The following AFAP1L2 variants were observed in gnomAD, a reference collection of about 807,000 sequenced individuals.
AFAP1L2 encodes the protein actin filament-associated protein 1-like 2.
In AFAP1L2, 46 loss-of-function variants were observed where a neutral mutation model predicts 99.3. That is an observed-to-expected ratio of 0.46 (90% CI 0.37 to 0.59). The LOEUF (loss-of-function observed/expected upper bound fraction) is 0.59, where lower values mean the gene tolerates loss of function less well. AFAP1L2 is among the 20% of genes least tolerant of loss of function. The pLI is 0.00. For missense variants in AFAP1L2, 959 were observed against 1,034.9 expected, an observed-to-expected ratio of 0.93 and a Z score of 1.01; for synonymous variants, 397 against 419.1, an observed-to-expected ratio of 0.95 and a Z score of 0.64.
intron 1 of AFAP1L2, among the ~76,000 whole-genome samples, chr10:114,350,345 C>T (rs2050274541): frequency 6.6e-6 from 1 of 152,176 alleles, no homozygotes; most frequent in South Asian, 2.1e-4. Context: ...CTCTGTTGTC[C>T]CATGGATGCA....
At chr10:114,371,038 G>A (rs2054020797) in intron 1 of AFAP1L2, among the ~76,000 whole-genome samples, 1 of 152,196 alleles carries the variant, frequency 6.6e-6, no homozygotes, top group African/African-American at 2.4e-5. Flanking sequence ...CTTGGGGACT[G>A]CAGCAATACT....
At chr10:114,384,324 T>C (rs12416409) in intron 1 of AFAP1L2, among the ~76,000 whole-genome samples, 16,849 of 145,944 alleles carry the variant, frequency 0.12, 1,433 homozygotes, top group African/African-American at 0.23. Flanking sequence ...TTGTCTGTCG[T>C]CCCCCCCCCG....
intron 1 of AFAP1L2, among the ~76,000 whole-genome samples, chr10:114,383,430 G>A (rs970202199): frequency 2.6e-5 from 4 of 152,218 alleles, no homozygotes; most frequent in Non-Finnish European, 5.9e-5. Context: ...TTTTATTATC[G>A]CAGAGAGGAG....
At chr10:114,298,481 C>T (rs1375962144) in intron 16 of AFAP1L2, among the ~76,000 whole-genome samples, 1 of 152,172 alleles carries the variant, frequency 6.6e-6, no homozygotes, top group Non-Finnish European at 1.5e-5. Context: ...ATTCATACAC[C>T]TCTACAATTT....
At position 114,331,852 on chromosome 10, in the gene AFAP1L2, T is replaced by A; in HGVS notation, c.266A>T (p.His89Leu). Reference protein sequence around the residue: ...GLLPNGEPSQHSSAPQKSLPD... With the variant: ...GLLPNGEPSQLSSAPQKSLPD... The stretch of plus-strand genomic sequence containing the variant: ...AAGGCTCTTCTGAGGGGCCGAGGAG[T>A]GCTGGCTGGGCTCCCCATTGGGTAG... The change falls in exon 4 of 19, where the codon CAC becomes CTC. Residue 89 changes from histidine to leucine, a missense_variant. By Grantham distance (99) the His-to-Leu change is moderately conservative (BLOSUM62 -3). This residue lies in a region of AFAP1L2 where 383 missense variants were observed against 472.8 expected (regional missense o/e 0.81). Transcript: ENST00000304129. 1 of 1,384,956 alleles carries A rather than the reference T, an allele frequency of 7.2e-7. No homozygotes were observed. The highest frequency in any genetic ancestry group is 9.4e-7 in the Non-Finnish European group (1 of 1,061,068). 85.8% of individuals were successfully genotyped at this position (1,384,956 alleles called of 1,614,324 possible). A position where few individuals can be genotyped will look rare whatever the true frequency, so the allele number is the denominator to read the frequency against.
intron 10 of AFAP1L2, among the ~76,000 whole-genome samples, chr10:114,305,699 GCGGGGCTGGAGGGGA>G (rs2134238450): frequency 3.3e-5 from 3 of 92,136 alleles, no homozygotes; most frequent in Admixed American, 1.1e-4. Flanking sequence ...GCAGGAGGGA[GCGGGGCTGGAGGGGA>G]CGGGGCTACA....
Position 114,392,276 on chromosome 10 carries a change from G to A in AFAP1L2, c.16+12164C>T, listed in dbSNP as rs116038879. Among the ~76,000 whole-genome samples, 515 of 152,298 alleles carry A rather than the reference G, an allele frequency of 3.4e-3. 4 individuals are homozygous for A. Among genetic ancestry groups the A allele is most frequent in the African/African-American group, 0.012 (486 of 41,560 alleles). On this transcript the variant is annotated intron_variant, in intron 1 of 18. Transcript: ENST00000304129. ...GTGGTAGTGTGCACCTGTAGTCCCA[G>A]CTGCTCAGGAGACTGAGTCAGAGGA...
intron 2 of AFAP1L2, among the ~76,000 whole-genome samples, chr10:114,336,737 G>A (rs2135767191): frequency 6.6e-6 from 1 of 152,206 alleles, no homozygotes; most frequent in South Asian, 2.1e-4. Flanking sequence ...CTGGTGTGGT[G>A]GGGACACAGC....
intron 2 of AFAP1L2, among the ~76,000 whole-genome samples, chr10:114,335,408 C>T (rs7900396): frequency 0.017 from 2,576 of 151,762 alleles, 69 homozygotes; most frequent in African/African-American, 0.057. Flanking sequence ...GTCAGGAGAT[C>T]GAGACCATCC....
intron 4 of AFAP1L2, among the ~76,000 whole-genome samples, chr10:114,330,296 G>A (rs10885550): frequency 0.58 from 88,451 of 151,634 alleles, 30,505 homozygotes; most frequent in East Asian, 0.91. Context: ...ATCAGGTGAC[G>A]GTCAGTTGGC....
chr10:114,293,821 A>C (rs2039823155), downstream of AFAP1L2, among the ~76,000 whole-genome samples: 1 of 152,154 alleles, frequency 6.6e-6, no homozygotes, highest in Non-Finnish European at 1.5e-5. Context: ...CTTCCTTTCA[A>C]AGTTGTATAC....
At chr10:114,304,322 T>A (rs1045170166) in intron 11 of AFAP1L2, among the ~76,000 whole-genome samples, 3 of 152,308 alleles carry the variant, frequency 2.0e-5, no homozygotes, top group African/African-American at 7.2e-5. Context: ...AGGAATGTAA[T>A]TGTATCACAA....
intron 1 of AFAP1L2, among the ~76,000 whole-genome samples, chr10:114,373,904 A>T (rs976513873): frequency 6.6e-6 from 1 of 152,006 alleles, no homozygotes; most frequent in Non-Finnish European, 1.5e-5. Flanking sequence ...CTGCCCATAC[A>T]ATCAGCACAG....
intron 1 of AFAP1L2, among the ~76,000 whole-genome samples, chr10:114,354,425 G>T (rs1290731120): frequency 6.6e-6 from 1 of 152,162 alleles, no homozygotes; most frequent in African/African-American, 2.4e-5. Flanking sequence ...CCTTGAAGAA[G>T]TTAGAGAACA....
chr10:114,311,588 G>A (rs952238292), intron 7 of AFAP1L2, among the ~76,000 whole-genome samples: 14 of 152,362 alleles, frequency 9.2e-5, no homozygotes, highest in African/African-American at 3.4e-4. Flanking sequence ...CCACGAGCCA[G>A]CTGTGAGCGC....
Position 114,295,904 on chromosome 10 carries a change from A to C in AFAP1L2, c.*138T>G. The C allele has an allele frequency of 1.3e-6, 2 of 1,554,932 alleles. No homozygotes were observed. The highest frequency in any genetic ancestry group is 1.7e-4 in the Middle Eastern group (1 of 5,782). The stretch of plus-strand genomic sequence containing the variant: ...AGGGACAGAGCCTCCTCTTAGCTGA[A>C]GCTCTCCATTCACAGTACCTCAGTC... On this transcript the variant is annotated 3_prime_UTR_variant, in exon 19 of 19. Transcript: ENST00000304129.
chr10:114,382,066 A>C (rs996622277), intron 1 of AFAP1L2, among the ~76,000 whole-genome samples: 2 of 152,252 alleles, frequency 1.3e-5, no homozygotes, highest in Non-Finnish European at 2.9e-5. Flanking sequence ...TTTGCTGATG[A>C]GAGTGAAAAG....
chr10:114,399,249 T>C (rs2058023767), intron 1 of AFAP1L2, among the ~76,000 whole-genome samples: 1 of 152,144 alleles, frequency 6.6e-6, no homozygotes, highest in South Asian at 2.1e-4. Flanking sequence ...GTGACACTAA[T>C]TCCACAAATA....
chr10:114,396,581 G>A (rs2057740904), intron 1 of AFAP1L2, among the ~76,000 whole-genome samples: 1 of 152,164 alleles, frequency 6.6e-6, no homozygotes, highest in Admixed American at 6.5e-5. Context: ...AAGCAGGACT[G>A]CCAAAAACAA....
Sources: allele counts gnomAD v4.1 joint callset (sites outside exome capture counted in the v4.1 genomes callset), GRCh38; gene constraint gnomAD v4.1.1; regional missense constraint gnomAD v4.1.1; transcripts MANE v1.5; gene names NCBI Gene and HGNC (gene_info 2026-07-23, HGNC 2026-07-21).